ZNF487: variants seen among roughly 807,000 people sequenced by gnomAD.
The protein encoded by ZNF487 is KRAB domain only 1.
ZNF487 carries 4 observed loss-of-function variants against 3.0 expected under a neutral mutation model. The observed-to-expected ratio is 1.35, with a 90% confidence interval of 0.66 to 3.08. ZNF487 has a LOEUF of 3.08. Ranked by LOEUF, ZNF487 falls within the 30% of genes most tolerant of loss-of-function variation. The pLI is 0.01. For missense variants in ZNF487, 146 were observed against 98.7 expected (o/e 1.48, Z -2.03); for synonymous variants, 55 against 34.6 (o/e 1.59, Z -2.06).
At chr10:43,502,750 G>A in the ZNF487 span, among the ~76,000 whole-genome samples, 1 of 152,042 alleles carries the variant, frequency 6.6e-6, no homozygotes, top group Non-Finnish European at 1.5e-5. Context: ...AAAAGGGCAG[G>A]CCAGGTGCGG....
In ZNF487 at chr10:43,454,937, C is replaced by CAAAAA. The variant is rs58217923; in HGVS notation, c.-94+17691_-94+17695dup. On this transcript the variant is annotated intron_variant, in intron 1 of 3. Transcript: ENST00000437590. Reference sequence around the variant, plus strand: ...TGGGCAACAGAGCCAGACCTTGTCTCAAAAAAAAAAAAAAAAAAAAGTCCT... The same window carrying CAAAAA: ...TGGGCAACAGAGCCAGACCTTGTCTCAAAAAAAAAAAAAAAAAAAAAAAAAGTCCT... 1.6e-3 allele frequency among the ~76,000 whole-genome samples: 140 copies of CAAAAA among 85,390 alleles called. 1 individual carries two copies. The highest frequency in any genetic ancestry group is 1.9e-3 in the Admixed American group (12 of 6,154). The allele number at this position is 85,390 out of a possible 152,430, so 56.0% of individuals were successfully genotyped here. A position where few individuals can be genotyped will look rare whatever the true frequency, so the allele number is the denominator to read the frequency against.
chr10:43,437,528 C>T (rs1218216218), intron 1 of ZNF487, among the ~76,000 whole-genome samples: 2 of 152,198 alleles, frequency 1.3e-5, no homozygotes, highest in African/African-American at 4.8e-5. Flanking sequence ...GAGTCCTGGA[C>T]GAGTGACCCT....
In ZNF487 at chr10:43,481,762, A is replaced by T; in HGVS notation, c.464A>T (p.Asp155Val). ...PYARGKPLEYDGNGKAVSQNE... is the reference protein window; with the variant it reads ...PYARGKPLEYVGNGKAVSQNE... Reference sequence around the variant, plus strand: ...GCCAGAGGGAAACCTTTGGAATATGATGGAAATGGGAAAGCCGTCTCTCAG... The same window carrying T: ...GCCAGAGGGAAACCTTTGGAATATGTTGGAAATGGGAAAGCCGTCTCTCAG... Residue 155 changes from aspartate (D) to valine (V), a missense_variant, in exon 4 of 4, where the codon GAT becomes GTT. Transcript: ENST00000437590. The T allele has an allele frequency of 1.4e-6, 1 of 714,818 alleles. No homozygotes were observed. Among genetic ancestry groups the T allele is most frequent in the African/African-American group, 1.7e-5 (1 of 57,384 alleles). The allele number at this position is 714,818 out of a possible 1,614,324, so 44.3% of individuals were successfully genotyped here.
chr10:43,513,165 C>T, the ZNF487 span, among the ~76,000 whole-genome samples: 1 of 152,146 alleles, frequency 6.6e-6, no homozygotes, highest in Admixed American at 6.6e-5. Flanking sequence ...TAAGAAAAAG[C>T]GATCAAGGTG....
chr10:43,514,397 T>G, the ZNF487 span, among the ~76,000 whole-genome samples: 2 of 152,198 alleles, frequency 1.3e-5, no homozygotes, highest in African/African-American at 4.8e-5. Context: ...TGCCTTGGCC[T>G]CCCAAAGTGC....
chr10:43,486,965 C>G (rs1841476383), downstream of ZNF487, among the ~76,000 whole-genome samples: 1 of 152,106 alleles, frequency 6.6e-6, no homozygotes, highest in Non-Finnish European at 1.5e-5. Flanking sequence ...TTCTAAATAT[C>G]TTAAACTTAT....
At chr10:43,517,852 C>T in the ZNF487 span, among the ~76,000 whole-genome samples, 1 of 152,132 alleles carries the variant, frequency 6.6e-6, no homozygotes, top group Non-Finnish European at 1.5e-5. Context: ...AGGTCCTTGG[C>T]TACCTGAGGA....
chr10:43,473,607 C>T (rs1160021945), intron 1 of ZNF487, among the ~76,000 whole-genome samples: 1 of 152,044 alleles, frequency 6.6e-6, no homozygotes, highest in Non-Finnish European at 1.5e-5. Context: ...CAAGCTCCGC[C>T]TCCCGGGTTC....
chr10:43,473,609 C>T (rs948611285), intron 1 of ZNF487, among the ~76,000 whole-genome samples: 9 of 152,044 alleles, frequency 5.9e-5, no homozygotes, highest in Admixed American at 1.3e-4. Context: ...AGCTCCGCCT[C>T]CCGGGTTCAC....
chr10:43,482,996 C>T lies in ZNF487; in HGVS notation c.*1074C>T, dbSNP rs1266441418. 6 of 501,892 alleles carry T rather than the reference C, an allele frequency of 1.2e-5. No homozygotes were observed. The highest frequency in any genetic ancestry group is 4.3e-5 in the Admixed American group (2 of 46,750). 31.1% of individuals were successfully genotyped at this position (501,892 alleles called of 1,614,324 possible). On this transcript the variant is annotated 3_prime_UTR_variant, in exon 4 of 4. Coordinates refer to ENST00000437590, the MANE Select transcript of ZNF487 (RefSeq NM_001355444.3). ...AGAGAACACACACAAGGGAGCAACC[C>T]TATGAATATAATGAAAGCTTTTACC...
At chr10:43,515,970 C>T in the ZNF487 span, among the ~76,000 whole-genome samples, 3 of 151,920 alleles carry the variant, frequency 2.0e-5, no homozygotes, top group Non-Finnish European at 2.9e-5. Flanking sequence ...TTTTAGTAGA[C>T]GGGATTTCAC....
At chr10:43,469,174 C>G (rs947481169) in intron 1 of ZNF487, among the ~76,000 whole-genome samples, 3 of 151,914 alleles carry the variant, frequency 2.0e-5, no homozygotes, top group Non-Finnish European at 4.4e-5. Flanking sequence ...ACTATAGGCT[C>G]AGATGATTGT....
the ZNF487 span, among the ~76,000 whole-genome samples, chr10:43,514,608 CA>C: frequency 3.3e-5 from 5 of 152,170 alleles, no homozygotes; most frequent in African/African-American, 4.8e-5. Context: ...TTCTGATTGC[CA>C]CTTTGCCTCT....
At chr10:43,464,174 T>G (rs1840555111) in intron 1 of ZNF487, among the ~76,000 whole-genome samples, 1 of 150,508 alleles carries the variant, frequency 6.6e-6, no homozygotes, top group Non-Finnish European at 1.5e-5. Flanking sequence ...AAGGAAAACT[T>G]TTTTTTTCTT....
chr10:43,484,165 G>A (rs115684441), downstream of ZNF487, among the ~76,000 whole-genome samples: 265 of 151,862 alleles, frequency 1.7e-3, 2 homozygotes, highest in African/African-American at 5.8e-3. Flanking sequence ...CACCACACCC[G>A]GCCTTTATTC....
chr10:43,442,850 C>G (rs1839666720), intron 1 of ZNF487, among the ~76,000 whole-genome samples: 1 of 152,148 alleles, frequency 6.6e-6, no homozygotes, highest in Non-Finnish European at 1.5e-5. Context: ...CTTGCTTCGA[C>G]AGCACATATA....
chr10:43,482,897 C>T lies in ZNF487; in HGVS notation c.*975C>T. ...CCCTCACAGTACATCAGAGAACCCA[C>T]ACAGGAGAGAAACCCTATGCATGTA... On this transcript the variant is annotated 3_prime_UTR_variant, in exon 4 of 4. Coordinates refer to ENST00000437590, the MANE Select transcript of ZNF487 (RefSeq NM_001355444.3). 1 of 533,108 alleles carries T rather than the reference C, an allele frequency of 1.9e-6. No homozygotes were observed. The highest frequency in any genetic ancestry group is 3.9e-6 in the Non-Finnish European group (1 of 259,526). 33.0% of individuals were successfully genotyped at this position (533,108 alleles called of 1,614,324 possible). A position where few individuals can be genotyped will look rare whatever the true frequency, so the allele number is the denominator to read the frequency against.
At chr10:43,465,043 G>A (rs1478404755) in intron 1 of ZNF487, among the ~76,000 whole-genome samples, 38 of 98,028 alleles carry the variant, frequency 3.9e-4, no homozygotes, top group African/African-American at 1.1e-3. Context: ...GGCCGGGCGG[G>A]GGGCTGACCC....
the ZNF487 span, among the ~76,000 whole-genome samples, chr10:43,498,091 ATATATATATTTTTTTTTTTTTTCTTTTT>A: frequency 7.0e-3 from 196 of 27,916 alleles, 8 homozygotes; most frequent in Non-Finnish European, 8.2e-3. Flanking sequence ...ATATATATAT[ATATATATATTTTTTTTTTTTTTCTTTTT>A]TTTTTTTTTT....
Sources: allele counts gnomAD v4.1 joint callset (sites outside exome capture counted in the v4.1 genomes callset), GRCh38; gene constraint gnomAD v4.1.1; transcripts MANE v1.5; gene names NCBI Gene and HGNC (gene_info 2026-07-23, HGNC 2026-07-21).